CEP112: variants seen among roughly 807,000 people sequenced by gnomAD.
CEP112 encodes the protein centrosomal protein 112.
A neutral mutation model predicts 153.0 loss-of-function variants in CEP112; 127 were observed. The ratio of observed to expected loss-of-function variants is 0.83; its 90% CI spans 0.72 to 0.96. CEP112 has a LOEUF of 0.96. CEP112 is among the 40% of genes least tolerant of loss of function. The probability of loss-of-function intolerance (pLI) is 0.00; values close to 1 mark genes in which losing one functional copy is unlikely to be tolerated. For synonymous variants in CEP112, 358 were observed against 374.4 expected (o/e 0.96, Z 0.51); for missense variants, 1,089 against 1,101.2 (o/e 0.99, Z 0.16).
At chr17:65,893,574 C>T (rs1311701083) in intron 20 of CEP112, among the ~76,000 whole-genome samples, 1 of 152,132 alleles carries the variant, frequency 6.6e-6, no homozygotes, top group African/African-American at 2.4e-5. Flanking sequence ...AACATTATCT[C>T]AAGTTGCACA....
intron 17 of CEP112, among the ~76,000 whole-genome samples, chr17:65,994,872 G>T (rs930033067): frequency 7.2e-5 from 11 of 152,042 alleles, no homozygotes; most frequent in African/African-American, 2.4e-4. Context: ...GGCCACTTTC[G>T]GTTCTCTTTC....
intron 21 of CEP112, among the ~76,000 whole-genome samples, chr17:65,785,435 A>G (rs2054229385): frequency 6.6e-6 from 1 of 152,222 alleles, no homozygotes; most frequent in African/African-American, 2.4e-5. Flanking sequence ...TCTCACCAGC[A>G]AAGTATGAAG....
intron 11 of CEP112, among the ~76,000 whole-genome samples, chr17:66,057,666 A>G (rs1462931677): frequency 2.0e-5 from 3 of 151,998 alleles, no homozygotes; most frequent in African/African-American, 4.8e-5. Context: ...TACATAAATA[A>G]CAAAGTGTAT....
chr17:66,055,161 G>C (rs1232938191), intron 11 of CEP112, among the ~76,000 whole-genome samples: 1 of 152,108 alleles, frequency 6.6e-6, no homozygotes, highest in Non-Finnish European at 1.5e-5. Context: ...GGAAGGACAG[G>C]GAAAACCTGT....
chr17:65,679,817 G>C (rs985318840), intron 24 of CEP112, among the ~76,000 whole-genome samples: 2 of 152,106 alleles, frequency 1.3e-5, no homozygotes, highest in African/African-American at 4.8e-5. Flanking sequence ...ATAGATCACT[G>C]GGCATTGTGG....
At chr17:66,112,727 C>T (rs574907075) in intron 6 of CEP112, among the ~76,000 whole-genome samples, 2 of 152,146 alleles carry the variant, frequency 1.3e-5, no homozygotes, top group African/African-American at 2.4e-5. Flanking sequence ...GTGGATCACT[C>T]GAGGTCAGGC....
At chr17:66,060,098 T>C (rs965416542) in intron 11 of CEP112, among the ~76,000 whole-genome samples, 16 of 152,114 alleles carry the variant, frequency 1.1e-4, no homozygotes, top group African/African-American at 3.4e-4. Context: ...TTGGTATATA[T>C]GGACATAAAA....
At chr17:65,876,360 T>C (rs1448582548) in intron 20 of CEP112, among the ~76,000 whole-genome samples, 3 of 152,364 alleles carry the variant, frequency 2.0e-5, no homozygotes, top group Middle Eastern at 3.4e-3. Context: ...TATAGAAGTC[T>C]GACTTGTAAT....
chr17:65,698,721 G>A (rs139992309), intron 23 of CEP112, among the ~76,000 whole-genome samples: 26 of 152,160 alleles, frequency 1.7e-4, no homozygotes, highest in African/African-American at 5.5e-4. Context: ...CTTATCTCGG[G>A]TGGTAGAAAT....
At chr17:66,139,933 G>A (rs1240829797) in intron 4 of CEP112, among the ~76,000 whole-genome samples, 1 of 152,062 alleles carries the variant, frequency 6.6e-6, no homozygotes, top group African/African-American at 2.4e-5. Context: ...ATTTTACAAA[G>A]CCAGCATTAC....
At chr17:66,133,153 A>G (rs573531132) in intron 4 of CEP112, among the ~76,000 whole-genome samples, 1 of 152,266 alleles carries the variant, frequency 6.6e-6, no homozygotes, top group Admixed American at 6.5e-5. Flanking sequence ...CATTTAAATT[A>G]TAAGAAGTTA....
At chr17:66,070,543 AC>A (rs1203212386) in intron 8 of CEP112, among the ~76,000 whole-genome samples, 3 of 152,060 alleles carry the variant, frequency 2.0e-5, no homozygotes, top group Non-Finnish European at 4.4e-5. Context: ...GGAATCATAG[AC>A]CCCCGCTCCC....
chr17:65,799,305 T>G (rs532849065), intron 21 of CEP112, among the ~76,000 whole-genome samples: 1 of 152,302 alleles, frequency 6.6e-6, no homozygotes, highest in African/African-American at 2.4e-5. Context: ...AATGCTGGGA[T>G]ACGGAGCTGG....
chr17:66,130,030 G>A (rs1410057251), intron 5 of CEP112, among the ~76,000 whole-genome samples: 2 of 151,836 alleles, frequency 1.3e-5, no homozygotes, highest in Non-Finnish European at 2.9e-5. Context: ...AGAAAGAAGT[G>A]GGACGGGAGG....
intron 18 of CEP112, among the ~76,000 whole-genome samples, chr17:65,928,148 T>C (rs980853966): frequency 6.6e-6 from 1 of 152,192 alleles, no homozygotes; most frequent in African/African-American, 2.4e-5. Flanking sequence ...CAAAAAGATA[T>C]ACAAAAGGCC....
At chr17:65,695,064 T>C (rs1289263863) in intron 23 of CEP112, among the ~76,000 whole-genome samples, 1 of 152,230 alleles carries the variant, frequency 6.6e-6, no homozygotes, top group African/African-American at 2.4e-5. Context: ...TTAAATATAC[T>C]GTAAGTCAGC....
At chr17:66,161,567 A>G (rs1011577971) in intron 4 of CEP112, among the ~76,000 whole-genome samples, 1 of 152,188 alleles carries the variant, frequency 6.6e-6, no homozygotes, top group African/African-American at 2.4e-5. Context: ...CATCATTCTT[A>G]GCAAACTAAC....
chr17:66,000,244 T>C (rs951470149), intron 17 of CEP112, among the ~76,000 whole-genome samples: 2 of 89,496 alleles, frequency 2.2e-5, no homozygotes, highest in Non-Finnish European at 4.6e-5. Context: ...TTTTTTTGTC[T>C]TTTTAGTAAT....
chr17:65,772,991 TG>T (rs1290047010), intron 21 of CEP112, among the ~76,000 whole-genome samples: 1 of 152,232 alleles, frequency 6.6e-6, no homozygotes, highest in Non-Finnish European at 1.5e-5. Context: ...TGGCTAAATG[TG>T]TTACACATAT....
Sources: allele counts gnomAD v4.1 joint callset (sites outside exome capture counted in the v4.1 genomes callset), GRCh38; gene constraint gnomAD v4.1.1; transcripts MANE v1.5; gene names NCBI Gene and HGNC (gene_info 2026-07-23, HGNC 2026-07-21).